Variants in PLA2G4C observed in about 807,000 individuals in gnomAD.
PLA2G4C encodes phospholipase A2 group IVC.
Under a neutral mutation model 73.8 loss-of-function variants are expected in PLA2G4C, and 64 were observed. The ratio of observed to expected loss-of-function variants is 0.87; its 90% confidence interval spans 0.71 to 1.07. The LOEUF (loss-of-function observed/expected upper bound fraction) is 1.07. Ranked by LOEUF, PLA2G4C falls within the 50% of genes least tolerant of loss-of-function variation. The pLI is 0.00. For synonymous variants in PLA2G4C, 254 were observed against 252.1 expected (o/e 1.01, Z -0.07); for missense variants, 622 against 665.4 (o/e 0.93, Z 0.72).
At chr19:48,070,652 C>T (rs754778678) in intron 12 of PLA2G4C, among the ~76,000 whole-genome samples, 2 of 152,070 alleles carry the variant, frequency 1.3e-5, no homozygotes, top group Non-Finnish European at 2.9e-5. Context: ...AACAGAAAAC[C>T]AAACACCACA....
chr19:48,054,425 T>G (rs1967851538), intron 15 of PLA2G4C, among the ~76,000 whole-genome samples: 1 of 151,924 alleles, frequency 6.6e-6, no homozygotes, highest in Admixed American at 6.6e-5. Context: ...TGCCTCAGCC[T>G]CCTGAGTAGC....
chr19:48,101,123 TATA>T (rs1489557328), intron 4 of PLA2G4C, among the ~76,000 whole-genome samples: 79 of 57,608 alleles, frequency 1.4e-3, no homozygotes, highest in East Asian at 8.5e-3. Context: ...TATATATATA[TATA>T]TTTTTTTTTT....
rs1442100406 is a variant in PLA2G4C at position 48,099,745 on chromosome 19, G to C, written c.373C>G (p.Gln125Glu). The C allele has an allele frequency of 6.2e-7, 1 of 1,613,940 alleles. No homozygotes were observed. The highest frequency in any genetic ancestry group is 8.5e-7 in the Non-Finnish European group (1 of 1,179,984). Residue 125 changes from glutamine to glutamate, a missense_variant, in exon 5 of 17, where the codon CAA (glutamine) becomes GAA (glutamate). Transcript: ENST00000599921. Reference sequence around the variant, plus strand: ...GAGTAATTCTCAGACCTCGCTGCTTGGATGGTTTTCTGTAGGCTCTTAGCC... The same window carrying C: ...GAGTAATTCTCAGACCTCGCTGCTTCGATGGTTTTCTGTAGGCTCTTAGCC... ...DLAKSLQKTI[Q>E]AARSENYSLT...
At chr19:48,106,744 C>T (rs1382722981) in intron 1 of PLA2G4C, 183 bp from the exon 2 acceptor site, 3 of 559,144 alleles carry the variant, frequency 5.4e-6, no homozygotes, top group South Asian at 2.4e-5. Context: ...GGCGGCCAAG[C>T]GAGGAGAATG....
At chr19:48,084,039 TTTGTGTGTGTG>T (rs1354015988) in intron 10 of PLA2G4C, among the ~76,000 whole-genome samples, 120 of 126,372 alleles carry the variant, frequency 9.5e-4, no homozygotes, top group African/African-American at 3.6e-3. Context: ...GAATGCCAAT[TTTGTGTGTGTG>T]TGTGTGTGTG....
intron 13 of PLA2G4C, among the ~76,000 whole-genome samples, chr19:48,067,305 C>T (rs553162769): frequency 3.3e-5 from 5 of 151,752 alleles, no homozygotes; most frequent in Admixed American, 6.6e-5. Flanking sequence ...GTAGCTGGGA[C>T]TACAGGCACC....
At chr19:48,079,633 G>A (rs905455963) in intron 10 of PLA2G4C, among the ~76,000 whole-genome samples, 2 of 152,192 alleles carry the variant, frequency 1.3e-5, no homozygotes, top group Non-Finnish European at 2.9e-5. Context: ...TAGGCAACGA[G>A]TTCATGACCA....
intron 2 of PLA2G4C, 104 bp downstream of exon 2, chr19:48,106,418 C>G (rs919555122): frequency 8.7e-6 from 8 of 914,860 alleles, no homozygotes; most frequent in Non-Finnish European, 1.4e-5. Context: ...CTATCTCCAC[C>G]AAGCGAGAGG....
chr19:48,055,785 C>T (rs1244336326), intron 14 of PLA2G4C, among the ~76,000 whole-genome samples: 1 of 152,062 alleles, frequency 6.6e-6, no homozygotes, highest in Non-Finnish European at 1.5e-5. Flanking sequence ...CAGACATGCT[C>T]CACCACGCCC....
At chr19:48,077,708 G>C (rs972794239) in intron 11 of PLA2G4C, 63 bp downstream of exon 11, 1 of 1,205,312 alleles carries the variant, frequency 8.3e-7, no homozygotes, top group Non-Finnish European at 1.2e-6. Flanking sequence ...GACAATGGCT[G>C]GCTTCAAGCC....
At chr19:48,099,511 T>C (rs1353452867) in intron 5 of PLA2G4C, among the ~76,000 whole-genome samples, 160 bp downstream of exon 5, 1 of 152,224 alleles carries the variant, frequency 6.6e-6, no homozygotes, top group Non-Finnish European at 1.5e-5. Flanking sequence ...AATCCTGATA[T>C]ACTTTAGTTT....
At chr19:48,064,189 GAGGCCA>G (rs1968317092) in intron 13 of PLA2G4C, among the ~76,000 whole-genome samples, 1 of 152,310 alleles carries the variant, frequency 6.6e-6, no homozygotes, top group South Asian at 2.1e-4. Context: ...AGCACTTTGG[GAGGCCA>G]AGGTGGGTGG....
rs570635333 is a variant in PLA2G4C, at chr19:48,106,540, G to T, written c.-11C>A. 1.6e-5 allele frequency: 26 copies of T among 1,612,920 alleles called. 1 individual carries two copies. The highest frequency in any genetic ancestry group is 2.2e-5 in the Non-Finnish European group (26 of 1,178,930). ...GACTTACCTTCCCATGGTGCACTGC[G>T]GTCAGAAAATTCTCAGTCCTCCTGC... On this transcript the variant is annotated 5_prime_UTR_variant, in exon 2 of 17. Coordinates refer to ENST00000599921, the MANE Select transcript of PLA2G4C (RefSeq NM_003706.3).
chr19:48,053,053 C>G lies in PLA2G4C; in HGVS notation c.1524G>C (p.Lys508Asn). 6.2e-7 allele frequency: 1 copy of G among 1,613,708 alleles called. No homozygotes were observed. Among genetic ancestry groups the G allele is most frequent in the Middle Eastern group, 1.7e-4 (1 of 6,060 alleles). ...TCTTCTTGTTTTCCCTGACATTCTT[C>G]TTGGCTAATGCCAAGAGTAGCACCA... ...DVVVLLLALA[K>N]KNVRENKKKI... Residue 508 changes from lysine (K) to asparagine (N), a missense_variant, in exon 16 of 17, where the codon AAG becomes AAC. Physicochemically the swap from Lys to Asn is moderately conservative, Grantham distance 94. Transcript: ENST00000599921.
intron 7 of PLA2G4C, among the ~76,000 whole-genome samples, chr19:48,092,664 A>G (rs59601941): frequency 0.24 from 37,090 of 152,176 alleles, 4,891 homozygotes; most frequent in East Asian, 0.58. Context: ...ACAAAAAGAC[A>G]AGCACTGCAT....
chr19:48,050,673 CTTT>C (rs5828330), intron 16 of PLA2G4C, among the ~76,000 whole-genome samples: 2 of 78,740 alleles, frequency 2.5e-5, no homozygotes, highest in Non-Finnish European at 4.7e-5. Context: ...GAGTATGTGA[CTTT>C]TTTTTTTTTT....
chr19:48,093,393 T>G (rs2031409667), intron 7 of PLA2G4C, among the ~76,000 whole-genome samples: 1 of 152,142 alleles, frequency 6.6e-6, no homozygotes, highest in Admixed American at 6.6e-5. Context: ...CCATTATCTG[T>G]CACCAGGACC....
intron 9 of PLA2G4C, among the ~76,000 whole-genome samples, chr19:48,085,422 C>G (rs1490534760): frequency 6.6e-6 from 1 of 152,156 alleles, no homozygotes; most frequent in Non-Finnish European, 1.5e-5. Flanking sequence ...GTTTCTCAGC[C>G]CACAGGCAGG....
chr19:48,061,853 G>C (rs746904127), intron 14 of PLA2G4C, 145 bp downstream of exon 14: 50 of 786,068 alleles, frequency 6.4e-5, no homozygotes, highest in Admixed American at 4.8e-4. Flanking sequence ...GGAGCGATGG[G>C]TGAGTTGATT....
Sources: allele counts gnomAD v4.1 joint callset (sites outside exome capture counted in the v4.1 genomes callset), GRCh38; gene constraint gnomAD v4.1.1; transcripts MANE v1.5; gene names NCBI Gene and HGNC (gene_info 2026-07-23, HGNC 2026-07-21).